The following CNOT4 variants were observed in gnomAD, a reference collection of about 807,000 sequenced individuals.
The protein encoded by CNOT4 is CCR4-associated factor 4.
In CNOT4, 8 loss-of-function variants were observed where a neutral mutation model predicts 73.8. The ratio of observed to expected loss-of-function variants is 0.11; its 90% CI spans 0.06 to 0.20. CNOT4 has a LOEUF of 0.20. CNOT4 is among the 10% of genes least tolerant of loss of function. The pLI, the probability that CNOT4 is intolerant of heterozygous loss-of-function variation, is 1.00. For synonymous variants in CNOT4, 293 were observed against 321.1 expected, an observed-to-expected ratio of 0.91 and a Z score of 0.94; for missense variants, 564 against 883.4, an observed-to-expected ratio of 0.64 and a Z score of 4.58.
chr7:135,459,631 T>A (rs1045621664), intron 1 of CNOT4, among the ~76,000 whole-genome samples: 3 of 152,176 alleles, frequency 2.0e-5, no homozygotes, highest in African/African-American at 4.8e-5. Flanking sequence ...AAGTCCCTCA[T>A]ATAAAATGGT....
rs202149771 is a variant in CNOT4, at chr7:135,432,889, G to A, written c.174+5269C>T. Among the ~76,000 whole-genome samples, 10 of 152,158 alleles carry A rather than the reference G, an allele frequency of 6.6e-5. No individual in the cohort carries two copies. The East Asian group carries it at 1.7e-3, about 26-fold the overall frequency. On this transcript the variant is annotated intron_variant, in intron 2 of 11. Transcript: ENST00000541284. ...GTCTTGCTATTGAGAAATCTGAAAC[G>A]ATTCGGATTCCTTGTCTTTTACATG...
chr7:135,501,169 G>A (rs1803939012), intron 1 of CNOT4, among the ~76,000 whole-genome samples: 1 of 151,906 alleles, frequency 6.6e-6, no homozygotes, highest in African/African-American at 2.4e-5. Flanking sequence ...ATTTTTAGTA[G>A]AGACGGGGTT....
At chr7:135,443,946 C>T (rs946446653) in intron 1 of CNOT4, among the ~76,000 whole-genome samples, 6 of 151,700 alleles carry the variant, frequency 4.0e-5, no homozygotes, top group East Asian at 1.9e-4. Flanking sequence ...CCCAGGGGTT[C>T]GAGACCAGCC....
intron 1 of CNOT4, among the ~76,000 whole-genome samples, chr7:135,497,058 T>C (rs1330042902): frequency 6.6e-6 from 1 of 151,860 alleles, no homozygotes; most frequent in Non-Finnish European, 1.5e-5. Flanking sequence ...TCCTCCAGCC[T>C]CGGACTCCCA....
At chr7:135,375,951 T>G (rs973021135) in intron 10 of CNOT4, among the ~76,000 whole-genome samples, 2 of 151,028 alleles carry the variant, frequency 1.3e-5, no homozygotes, top group African/African-American at 4.9e-5. Flanking sequence ...GGGGTGTGTG[T>G]GTGTGTGTAT....
chr7:135,501,828 A>C (rs1437670998), intron 1 of CNOT4, among the ~76,000 whole-genome samples: 2 of 152,162 alleles, frequency 1.3e-5, no homozygotes, highest in African/African-American at 2.4e-5. Flanking sequence ...GCCCCTATCA[A>C]GTGTTTGCTC....
intron 1 of CNOT4, chr7:135,445,058 T>C (rs926601744): frequency 7.8e-6 from 6 of 772,796 alleles, no homozygotes; most frequent in African/African-American, 6.8e-5. Flanking sequence ...CTTCTCTTAA[T>C]CACAAGGTTA....
At chr7:135,453,848 T>TATATATATATATATATATATATATATA (rs61345541) in intron 1 of CNOT4, among the ~76,000 whole-genome samples, 9 of 116,740 alleles carry the variant, frequency 7.7e-5, no homozygotes, top group Non-Finnish European at 3.7e-5. Flanking sequence ...ATATATATAT[T>TATATATATATATATATATATATATATA]ATATATATAG....
chr7:135,479,033 GATTA>G (rs1373746065), intron 1 of CNOT4, among the ~76,000 whole-genome samples: 2 of 151,942 alleles, frequency 1.3e-5, no homozygotes, highest in Non-Finnish European at 2.9e-5. Flanking sequence ...TCAGTCTACA[GATTA>G]ATTGACATAG....
chr7:135,475,146 T>C (rs1201992768), intron 1 of CNOT4, among the ~76,000 whole-genome samples: 1 of 152,198 alleles, frequency 6.6e-6, no homozygotes, highest in Non-Finnish European at 1.5e-5. Flanking sequence ...AATAAAACTT[T>C]ATCAAAGCTA....
chr7:135,445,422 A>G (rs1364747609), intron 1 of CNOT4, among the ~76,000 whole-genome samples: 1 of 152,192 alleles, frequency 6.6e-6, no homozygotes, highest in African/African-American at 2.4e-5. Context: ...TGATGGTTAC[A>G]TATACCAGGG....
rs376812510 is a variant in CNOT4 at position 135,395,842 on chromosome 7, T to G, written c.921A>C (p.Ser307=). The G allele has an allele frequency of 6.2e-7, 1 of 1,611,326 alleles. No individual in the cohort carries two copies. Among genetic ancestry groups the G allele is most frequent in the South Asian group, 1.1e-5 (1 of 91,026 alleles). ...SDTPSPPPGL[S]KSNPVIPISS... ...TGATGGGGATGACTGGATTGGATTT[T>G]GACAAACCAGGTGGTGGTGAAGGCG... The change falls in exon 9 of 12, where the codon TCA becomes TCC. Residue 307 remains serine (S), a synonymous_variant. Transcript: ENST00000541284.
At chr7:135,435,262 ATTAG>A (rs1799084266) in intron 2 of CNOT4, among the ~76,000 whole-genome samples, 1 of 152,132 alleles carries the variant, frequency 6.6e-6, no homozygotes, top group Non-Finnish European at 1.5e-5. Flanking sequence ...ATTTTCTTCT[ATTAG>A]TTCTTTGATT....
chr7:135,369,083 G>T (rs975544125), intron 10 of CNOT4, among the ~76,000 whole-genome samples: 1 of 152,272 alleles, frequency 6.6e-6, no homozygotes, highest in East Asian at 1.9e-4. Context: ...AGGGTACCAG[G>T]ACAAGGCATC....
At chr7:135,508,339 G>C (rs1164791015) in intron 1 of CNOT4, among the ~76,000 whole-genome samples, 1 of 152,154 alleles carries the variant, frequency 6.6e-6, no homozygotes, top group African/African-American at 2.4e-5. Context: ...CCAAAACATG[G>C]ACATCATAAG....
intron 7 of CNOT4, among the ~76,000 whole-genome samples, chr7:135,403,229 C>T (rs1797096267): frequency 6.6e-6 from 1 of 152,190 alleles, no homozygotes; most frequent in Non-Finnish European, 1.5e-5. Flanking sequence ...AATACTCCCA[C>T]ATATATTCAT....
At chr7:135,388,843 G>A (rs542293441) in intron 10 of CNOT4, 39 of 1,613,066 alleles carry the variant, frequency 2.4e-5, no homozygotes, top group East Asian at 4.5e-5. Context: ...TTGTTGTAAT[G>A]AATGGGAAGA....
chr7:135,415,191 T>C lies in CNOT4; in HGVS notation c.444A>G (p.Ser148=), dbSNP rs745612733. The change falls in exon 4 of 12, where the codon TCA becomes TCG. Residue 148 remains serine, a synonymous_variant. Transcript: ENST00000541284. ...IHKVVINNST[S]YAGSQGPSAS... is the part of the protein sequence containing the mutation. The stretch of plus-strand genomic sequence containing the variant: ...AATTAGTTACCTGTGAGCCTGCATA[T>C]GATGTGCTATTATTGATGACAACTT... 1.9e-6 allele frequency: 3 copies of C among 1,600,992 alleles called. No homozygotes were observed. Among genetic ancestry groups the C allele is most frequent in the Non-Finnish European group, 2.6e-6 (3 of 1,168,438 alleles).
At chr7:135,416,386 A>C (rs1042136851) in intron 3 of CNOT4, among the ~76,000 whole-genome samples, 1 of 152,150 alleles carries the variant, frequency 6.6e-6, no homozygotes. Flanking sequence ...TGTAAGTATA[A>C]GGTAACTGTT....
Sources: gnomAD v4.1 joint callset for allele counts (sites outside exome capture counted in the v4.1 genomes callset) on GRCh38, gnomAD v4.1.1 for gene constraint, MANE v1.5 for transcripts, NCBI Gene and HGNC (gene_info 2026-07-23, HGNC 2026-07-21) for gene names.